SH3RF1: variants seen among roughly 807,000 people sequenced by gnomAD.
SH3RF1 encodes the protein E3 ubiquitin-protein ligase SH3RF1.
Under a neutral mutation model 74.0 loss-of-function variants are expected in SH3RF1, and 32 were observed. That is an observed-to-expected ratio of 0.43 (90% CI 0.33 to 0.58). The LOEUF is 0.58. Among genes scored for constraint, SH3RF1 ranks in the 20% least tolerant of loss-of-function variants. The pLI, the probability that SH3RF1 is intolerant of heterozygous loss-of-function variation, is 0.05. For synonymous variants in SH3RF1, 396 were observed against 439.6 expected (o/e 0.90, Z 1.24); for missense variants, 954 against 1,130.9 (o/e 0.84, Z 2.24).
intron 2 of SH3RF1, among the ~76,000 whole-genome samples, chr4:169,176,019 C>T (rs913943848): frequency 6.6e-6 from 1 of 152,166 alleles, no homozygotes; most frequent in African/African-American, 2.4e-5. Flanking sequence ...CTCTTCCTTT[C>T]TGTCCACATG....
At chr4:169,160,249 G>A (rs1734129848) in intron 2 of SH3RF1, among the ~76,000 whole-genome samples, 1 of 152,034 alleles carries the variant, frequency 6.6e-6, no homozygotes, top group Non-Finnish European at 1.5e-5. Flanking sequence ...AATTCCAAAT[G>A]ACCCACAATA....
At chr4:169,164,972 T>C (rs141829325) in intron 2 of SH3RF1, among the ~76,000 whole-genome samples, 306 of 152,334 alleles carry the variant, frequency 2.0e-3, no homozygotes, top group African/African-American at 6.5e-3. Flanking sequence ...TCAAGTAAAA[T>C]GCAAGAAGTT....
At chr4:169,177,934 C>G (rs1356789020) in intron 2 of SH3RF1, among the ~76,000 whole-genome samples, 4 of 151,972 alleles carry the variant, frequency 2.6e-5, no homozygotes, top group Non-Finnish European at 5.9e-5. Flanking sequence ...CCTTGGTTCT[C>G]TCAGGCAAGA....
chr4:169,175,370 C>T (rs1579120378), intron 2 of SH3RF1, among the ~76,000 whole-genome samples: 1 of 152,148 alleles, frequency 6.6e-6, no homozygotes, highest in Admixed American at 6.5e-5. Context: ...CATCTGGTCC[C>T]GGCTAACCTC....
At chr4:169,264,745 C>A (rs1377282352) in intron 2 of SH3RF1, among the ~76,000 whole-genome samples, 1 of 152,192 alleles carries the variant, frequency 6.6e-6, no homozygotes, top group African/African-American at 2.4e-5. Context: ...CCATCTGACC[C>A]TTCACCCTAC....
rs150237185 is a variant in SH3RF1 at position 169,150,457 on chromosome 4, C to T, written c.765+5023G>A. Among the ~76,000 whole-genome samples the T allele has an allele frequency of 1.1e-4, 17 of 152,198 alleles. 1 individual carries two copies. The highest frequency in any genetic ancestry group is 9.6e-4 in the East Asian group (5 of 5,190). On this transcript the variant is annotated intron_variant, in intron 4 of 11. Transcript: ENST00000284637. The stretch of plus-strand genomic sequence containing the variant: ...TGGCTAAATTGAGCTAATTAACATA[C>T]GTATTACCTCAGATAGGTATCATTT...
chr4:169,190,483 A>T (rs937990090), intron 2 of SH3RF1, among the ~76,000 whole-genome samples: 3 of 152,154 alleles, frequency 2.0e-5, no homozygotes, highest in Admixed American at 1.3e-4. Context: ...GGAGATGGAT[A>T]AATTTCTAGA....
At position 169,096,274 on chromosome 4, in the gene SH3RF1, T is replaced by C. The variant is rs1361414377; in HGVS notation, c.*245A>G. The C allele has an allele frequency of 5.3e-6, 2 of 374,582 alleles. No individual in the cohort carries two copies. The highest frequency in any genetic ancestry group is 9.4e-6 in the Non-Finnish European group (2 of 211,978). 23.2% of individuals were successfully genotyped at this position (374,582 alleles called of 1,614,324 possible). A position where few individuals can be genotyped will look rare whatever the true frequency, so the allele number is the denominator to read the frequency against. On this transcript the variant is annotated 3_prime_UTR_variant, in exon 12 of 12. Coordinates refer to ENST00000284637, the MANE Select transcript of SH3RF1 (RefSeq NM_020870.4). ...TATCTTAAAAAAAAAAAAAAGTTTC[T>C]CTGTGTAGTAAATCAGACAGTACAA...
At chr4:169,255,613 A>ATACACACG (rs761501394) in intron 2 of SH3RF1, among the ~76,000 whole-genome samples, 2 of 119,114 alleles carry the variant, frequency 1.7e-5, no homozygotes, top group Non-Finnish European at 3.5e-5. Context: ...ACACACATAC[A>ATACACACG]TACACACATA....
At chr4:169,207,833 T>G (rs1382272873) in intron 2 of SH3RF1, among the ~76,000 whole-genome samples, 1 of 152,182 alleles carries the variant, frequency 6.6e-6, no homozygotes, top group Non-Finnish European at 1.5e-5. Context: ...GACAGTTGTT[T>G]ATACAGGTGC....
chr4:169,202,247 T>C (rs1250387448), intron 2 of SH3RF1, among the ~76,000 whole-genome samples: 1 of 152,208 alleles, frequency 6.6e-6, no homozygotes, highest in Non-Finnish European at 1.5e-5. Flanking sequence ...GCTTTGGCCC[T>C]AACATAAACT....
intron 2 of SH3RF1, among the ~76,000 whole-genome samples, chr4:169,184,030 A>C (rs1734564000): frequency 6.6e-6 from 1 of 152,148 alleles, no homozygotes; most frequent in Admixed American, 6.6e-5. Flanking sequence ...GTTACCTGGG[A>C]TGTAGCAGTA....
intron 4 of SH3RF1, among the ~76,000 whole-genome samples, chr4:169,153,312 G>A (rs1734002537): frequency 6.6e-6 from 1 of 152,072 alleles, no homozygotes; most frequent in African/African-American, 2.4e-5. Context: ...ACAGTTTTTG[G>A]CAGGACTGTA....
At chr4:169,121,093 T>A in intron 7 of SH3RF1, 104 bp from the exon 8 acceptor site, 1 of 899,226 alleles carries the variant, frequency 1.1e-6, no homozygotes, top group Non-Finnish European at 1.8e-6. Context: ...TGTACAAATG[T>A]AAACTGAAAG....
chr4:169,263,680 G>C (rs1283940774), intron 2 of SH3RF1, among the ~76,000 whole-genome samples: 4 of 152,116 alleles, frequency 2.6e-5, no homozygotes, highest in African/African-American at 9.7e-5. Flanking sequence ...ATCTGTATCT[G>C]GTTTGTCCAT....
In SH3RF1 at chr4:169,096,182, A is replaced by G. The variant is rs115466424; in HGVS notation, c.*337T>C. The stretch of plus-strand genomic sequence containing the variant: ...TCCAAAGAACGTATCTATTATACGA[A>G]AAGTTCAAGTTTAAAAAAGCAAATA... On this transcript the variant is annotated 3_prime_UTR_variant, in exon 12 of 12. Transcript: ENST00000284637. The G allele has an allele frequency of 0.011, 2,165 of 202,996 alleles. 54 individuals are homozygous for G. Among genetic ancestry groups the G allele is most frequent in the African/African-American group, 0.047 (2,029 of 43,606 alleles). The allele number at this position is 202,996 out of a possible 1,614,324, so 12.6% of individuals were successfully genotyped here.
rs539272622 is a variant in SH3RF1 at position 169,143,377 on chromosome 4, G to A, written c.766-6757C>T. Among the ~76,000 whole-genome samples, 35 of 152,198 alleles carry A rather than the reference G, an allele frequency of 2.3e-4. No homozygotes were observed. The South Asian group carries it at 7.1e-3, about 31-fold the overall frequency. On this transcript the variant is annotated intron_variant, in intron 4 of 11. Coordinates refer to ENST00000284637, the MANE Select transcript of SH3RF1 (RefSeq NM_020870.4). ...TATGTCTTTGAAACCCGGTGCGAAC[G>A]GAGTGCTTCCATCCCACTCAGTTTG...
chr4:169,116,328 C>G lies in SH3RF1; in HGVS notation c.2080G>C (p.Asp694His), dbSNP rs150816134. Residue 694 changes from aspartate (D) to histidine (H), a missense_variant, in exon 10 of 12, where the codon GAC (aspartate) becomes CAC (histidine). By Grantham distance (81) the Asp-to-His change is moderately conservative (BLOSUM62 -1). Coordinates refer to ENST00000284637, the MANE Select transcript of SH3RF1 (RefSeq NM_020870.4). The part of the protein sequence containing the change: ...TVLPGLPTSP[D>H]SASSACGNSS... ...TTCCCACAAGCTGATGAAGCACTGT[C>G]AGGAGATGTGGGGAGTCCAGGGAGA... 6 of 1,614,014 alleles carry G rather than the reference C, an allele frequency of 3.7e-6. No individual in the cohort carries two copies. Among genetic ancestry groups the G allele is most frequent in the Non-Finnish European group, 5.1e-6 (6 of 1,179,976 alleles).
intron 2 of SH3RF1, among the ~76,000 whole-genome samples, chr4:169,213,773 T>C (rs187141380): frequency 1.1e-4 from 16 of 152,366 alleles, no homozygotes; most frequent in African/African-American, 3.8e-4. Flanking sequence ...GAAAACACTG[T>C]CTTTTCTCCA....
Sources: allele counts gnomAD v4.1 joint callset (sites outside exome capture counted in the v4.1 genomes callset), GRCh38; gene constraint gnomAD v4.1.1; transcripts MANE v1.5; gene names NCBI Gene and HGNC (gene_info 2026-07-23, HGNC 2026-07-21).